ADAMTSL3: variants seen among roughly 807,000 people sequenced by gnomAD.
The protein encoded by ADAMTSL3 is ADAMTS like 3, also known as ADAMTS-like protein 3.
ADAMTSL3 carries 128 observed loss-of-function variants against 201.7 expected under a neutral mutation model. The observed-to-expected ratio is 0.63, with a 90% CI of 0.55 to 0.73. ADAMTSL3 has a LOEUF of 0.73. Ranked by LOEUF, ADAMTSL3 falls within the 30% of genes least tolerant of loss-of-function variation. The pLI is 0.00. For synonymous variants in ADAMTSL3, 738 were observed against 748.4 expected (o/e 0.99, Z 0.23); for missense variants, 1,990 against 2,119.6 (o/e 0.94, Z 1.20).
chr15:83,982,641 C>T lies in ADAMTSL3; in HGVS notation c.3013C>T (p.Arg1005Cys), dbSNP rs200572221. 59 of 1,614,152 alleles carry T rather than the reference C, an allele frequency of 3.7e-5. No homozygotes were observed. In the East Asian group the frequency reaches 8.0e-4, roughly 22 times the overall value. The change falls in exon 21 of 30, where the codon CGC (arginine) becomes TGC (cysteine). Residue 1005 changes from arginine to cysteine, a missense_variant. Transcript: ENST00000286744. ...LIGTDNRLIA[R>C]PALREPMREY... ...TGGTACTGACAACCGGCTCATCGCA[C>T]GCCCAGCCCTCAGGGAGCCTATGAG... is the stretch of plus-strand genomic sequence containing the variant.
chr15:83,900,256 A>G (rs1308873335), intron 15 of ADAMTSL3, among the ~76,000 whole-genome samples: 1 of 152,178 alleles, frequency 6.6e-6, no homozygotes, highest in Admixed American at 6.5e-5. Flanking sequence ...TTACCTATAA[A>G]AGGAGCAGGT....
intron 2 of ADAMTSL3, among the ~76,000 whole-genome samples, chr15:83,664,183 C>T (rs2061216271): frequency 6.6e-6 from 1 of 152,158 alleles, no homozygotes; most frequent in Non-Finnish European, 1.5e-5. Context: ...CATTATTTTA[C>T]ATTAACTGTT....
At chr15:83,878,089 A>G (rs979029717) in intron 9 of ADAMTSL3, among the ~76,000 whole-genome samples, 4 of 152,318 alleles carry the variant, frequency 2.6e-5, no homozygotes, top group Admixed American at 1.3e-4. Flanking sequence ...TGTTTACTAT[A>G]AAATTTTTTA....
intron 20 of ADAMTSL3, among the ~76,000 whole-genome samples, chr15:83,972,637 A>T (rs1596483148): frequency 6.6e-6 from 1 of 152,174 alleles, no homozygotes; most frequent in East Asian, 1.9e-4. Flanking sequence ...GTAGGGAGAA[A>T]GAAAAAACAC....
At chr15:83,971,102 G>T (rs1204403822) in intron 20 of ADAMTSL3, among the ~76,000 whole-genome samples, 2 of 152,156 alleles carry the variant, frequency 1.3e-5, no homozygotes, top group African/African-American at 2.4e-5. Context: ...ATTTAAAAAT[G>T]GCAGTTTGTA....
At chr15:83,757,037 A>G (rs2062732933) in intron 3 of ADAMTSL3, among the ~76,000 whole-genome samples, 1 of 152,134 alleles carries the variant, frequency 6.6e-6, no homozygotes, top group African/African-American at 2.4e-5. Context: ...CTGCTTTCAC[A>G]GGCTGGTATT....
At chr15:83,771,650 TTGTG>T (rs959805698) in intron 3 of ADAMTSL3, among the ~76,000 whole-genome samples, 1 of 152,238 alleles carries the variant, frequency 6.6e-6, no homozygotes, top group Admixed American at 6.5e-5. Flanking sequence ...TAGCATTTCG[TTGTG>T]TGTATACCAC....
chr15:83,819,465 T>C (rs574619729), intron 5 of ADAMTSL3, among the ~76,000 whole-genome samples: 1 of 152,006 alleles, frequency 6.6e-6, no homozygotes, highest in African/African-American at 2.4e-5. Flanking sequence ...AGGAAGGAGA[T>C]TAGATAATGC....
chr15:83,736,625 A>C (rs553428894), intron 3 of ADAMTSL3, among the ~76,000 whole-genome samples: 1 of 152,336 alleles, frequency 6.6e-6, no homozygotes, highest in East Asian at 1.9e-4. Flanking sequence ...TCAGCAATTA[A>C]AAAGGAGGTG....
intron 12 of ADAMTSL3, among the ~76,000 whole-genome samples, chr15:83,892,090 C>T (rs1383695024): frequency 6.6e-6 from 1 of 151,946 alleles, no homozygotes; most frequent in East Asian, 1.9e-4. Context: ...GTGGCAGGTG[C>T]CTGTAATCCC....
At position 83,942,655 on chromosome 15, in the gene ADAMTSL3, G is replaced by C. The variant is rs750649271; in HGVS notation, c.2177G>C (p.Arg726Pro). ...SATCGVGIQT[R>P]DVYCLHPGET... is the part of the protein sequence containing the mutation. ...ACCTGTGGAGTTGGAATTCAGACCC[G>C]AGATGTGTACTGCCTGCACCCAGGG... The change falls in exon 18 of 30, where the codon CGA becomes CCA. Residue 726 changes from arginine (R) to proline (P), a missense_variant. Physicochemically the swap from Arg to Pro is moderately radical, Grantham distance 103. Coordinates refer to ENST00000286744, the MANE Select transcript of ADAMTSL3 (RefSeq NM_207517.3). 1 of 1,613,946 alleles carries C rather than the reference G, an allele frequency of 6.2e-7. No individual in the cohort carries two copies. The highest frequency in any genetic ancestry group is 1.1e-5 in the South Asian group (1 of 91,082).
intron 9 of ADAMTSL3, among the ~76,000 whole-genome samples, chr15:83,880,863 C>T (rs1038694795): frequency 6.6e-6 from 1 of 152,264 alleles, no homozygotes; most frequent in South Asian, 2.1e-4. Context: ...ATATTTTCAT[C>T]AGTTAATACC....
chr15:83,791,247 A>G (rs893374823), intron 4 of ADAMTSL3, among the ~76,000 whole-genome samples: 11 of 152,236 alleles, frequency 7.2e-5, no homozygotes, highest in African/African-American at 2.2e-4. Context: ...TAAAATTTGT[A>G]TGGAACCATA....
At chr15:83,833,785 C>G (rs890785808) in intron 6 of ADAMTSL3, among the ~76,000 whole-genome samples, 13 of 152,122 alleles carry the variant, frequency 8.5e-5, no homozygotes, top group African/African-American at 3.1e-4. Context: ...AGAGAAACTG[C>G]CCAGATGTAG....
At chr15:83,847,617 T>C (rs914130138) in intron 7 of ADAMTSL3, among the ~76,000 whole-genome samples, 1 of 151,816 alleles carries the variant, frequency 6.6e-6, no homozygotes, top group African/African-American at 2.4e-5. Context: ...TGCCTCAGCC[T>C]CCTGAATAGC....
chr15:83,764,995 T>C (rs2062868136), intron 3 of ADAMTSL3, among the ~76,000 whole-genome samples: 1 of 152,118 alleles, frequency 6.6e-6, no homozygotes, highest in Non-Finnish European at 1.5e-5. Flanking sequence ...AGGAGCACAT[T>C]GACTAGGAAA....
intron 21 of ADAMTSL3, among the ~76,000 whole-genome samples, chr15:83,985,192 T>TA (rs1449990338): frequency 2.6e-5 from 4 of 151,590 alleles, no homozygotes; most frequent in African/African-American, 9.7e-5. Flanking sequence ...TTATGCAATG[T>TA]AAAAAAAATA....
chr15:83,668,295 TCA>T (rs1452308700), intron 2 of ADAMTSL3, among the ~76,000 whole-genome samples: 7 of 106,190 alleles, frequency 6.6e-5, no homozygotes, highest in African/African-American at 2.9e-4. Context: ...AAAACTTTTC[TCA>T]CTCTTTTTTT....
At chr15:83,926,667 G>A (rs555440500) in intron 17 of ADAMTSL3, among the ~76,000 whole-genome samples, 23 of 149,546 alleles carry the variant, frequency 1.5e-4, no homozygotes, top group Non-Finnish European at 2.4e-4. Flanking sequence ...AGGCTGGAGT[G>A]CAATGGCACA....
Sources: gnomAD v4.1 joint callset for allele counts (sites outside exome capture counted in the v4.1 genomes callset) on GRCh38, gnomAD v4.1.1 for gene constraint, MANE v1.5 for transcripts, NCBI Gene and HGNC (gene_info 2026-07-23, HGNC 2026-07-21) for gene names.